The following CHIC1 variants were observed in gnomAD, a reference collection of about 807,000 sequenced individuals.
The protein encoded by CHIC1 is cysteine-rich hydrophobic domain-containing protein 1.
A neutral mutation model predicts 18.5 loss-of-function variants in CHIC1; 7 were observed. The ratio of observed to expected loss-of-function variants is 0.38; its 90% confidence interval spans 0.22 to 0.71. The LOEUF is 0.71. CHIC1 is among the 30% of genes least tolerant of loss of function. CHIC1 has a pLI of 0.49. For synonymous variants in CHIC1, 77 were observed against 73.5 expected, an observed-to-expected ratio of 1.05 and a Z score of -0.25; for missense variants, 159 against 176.9, an observed-to-expected ratio of 0.90 and a Z score of 0.57.
intron 3 of CHIC1, among the ~76,000 whole-genome samples, chrX:73,592,197 T>C (rs948719220): frequency 9.0e-6 from 1 of 111,144 alleles, no homozygotes; most frequent in East Asian, 2.9e-4. Context: ...TATTTTTTTG[T>C]CTTGACTGAT....
At position 73,685,213 on chromosome X, in the gene CHIC1, C is replaced by T. The variant is rs1013339434; in HGVS notation, c.*4208C>T. On this transcript the variant is annotated 3_prime_UTR_variant, in exon 6 of 6. Coordinates refer to ENST00000373502, the MANE Select transcript of CHIC1 (RefSeq NM_001039840.4). The stretch of plus-strand genomic sequence containing the variant: ...AAAGTTTGATTTGCCGACTGGCTGA[C>T]GTGTTAATTATCACACAGACTCCAA... 1.6e-4 allele frequency: 18 copies of T among 111,350 alleles called. No homozygotes were observed. Among genetic ancestry groups the T allele is most frequent in the Non-Finnish European group, 3.0e-4 (16 of 52,990 alleles). The allele number at this position is 111,350 out of a possible 1,213,427, so 9.2% of individuals were successfully genotyped here. A position where few individuals can be genotyped will look rare whatever the true frequency, so the allele number is the denominator to read the frequency against.
chrX:73,657,061 ATTT>A (rs36102598), intron 3 of CHIC1, among the ~76,000 whole-genome samples: 1 of 88,621 alleles, frequency 1.1e-5, no homozygotes. Flanking sequence ...TCTTTTTTTA[ATTT>A]TTTTTTTTTT....
At chrX:73,667,664 G>GT (rs1266639165) in intron 3 of CHIC1, among the ~76,000 whole-genome samples, 1 of 111,564 alleles carries the variant, frequency 9.0e-6, no homozygotes, top group Admixed American at 9.6e-5. Flanking sequence ...CTTTAAGAAT[G>GT]TTGAATATTG....
chrX:73,597,484 A>G (rs1018130519), intron 3 of CHIC1, among the ~76,000 whole-genome samples: 2 of 109,203 alleles, frequency 1.8e-5, no homozygotes, highest in African/African-American at 6.6e-5. Flanking sequence ...GTTGATTTTT[A>G]TGAAGTCCCA....
intron 3 of CHIC1, among the ~76,000 whole-genome samples, chrX:73,613,910 A>G (rs889296500): frequency 1.0e-5 from 1 of 95,361 alleles, no homozygotes; most frequent in African/African-American, 4.0e-5. Flanking sequence ...GGTTTTCTAT[A>G]TTGTTAATAT....
At chrX:73,586,848 C>A (rs1192295709) in intron 3 of CHIC1, among the ~76,000 whole-genome samples, 1 of 111,978 alleles carries the variant, frequency 8.9e-6, no homozygotes, top group Non-Finnish European at 1.9e-5. Context: ...AATTTTAATT[C>A]TTTAGCAGTG....
chrX:73,647,842 C>T (rs1005744324), intron 3 of CHIC1, among the ~76,000 whole-genome samples: 2 of 112,209 alleles, frequency 1.8e-5, no homozygotes, highest in African/African-American at 6.5e-5. Flanking sequence ...CAGTGAGGTA[C>T]ATCCCCTCCA....
At chrX:73,646,482 C>T (rs2057890038) in intron 3 of CHIC1, among the ~76,000 whole-genome samples, 1 of 111,839 alleles carries the variant, frequency 8.9e-6, no homozygotes, top group Non-Finnish European at 1.9e-5. Context: ...ACAAAATATC[C>T]TTCCATTTGT....
intron 2 of CHIC1, among the ~76,000 whole-genome samples, chrX:73,583,944 AG>A (rs2057539676): frequency 9.0e-6 from 1 of 111,257 alleles, no homozygotes; most frequent in African/African-American, 3.3e-5. Flanking sequence ...CCAGGGAATA[AG>A]GGTTTGAGAG....
chrX:73,627,137 CAAAAAAAA>C (rs759306668), intron 3 of CHIC1, among the ~76,000 whole-genome samples: 1 of 56,994 alleles, frequency 1.8e-5, no homozygotes, highest in Admixed American at 2.2e-4. Context: ...TAAGTTCTCC[CAAAAAAAA>C]AAAAAAAAAA....
intron 3 of CHIC1, among the ~76,000 whole-genome samples, chrX:73,622,024 C>A (rs1343639776): frequency 8.9e-6 from 1 of 112,069 alleles, no homozygotes; most frequent in Non-Finnish European, 1.9e-5. Context: ...GCTGAACCAG[C>A]CTTGCACCCC....
At chrX:73,637,960 G>GA (rs1366668657) in intron 3 of CHIC1, among the ~76,000 whole-genome samples, 5 of 110,652 alleles carry the variant, frequency 4.5e-5, no homozygotes, top group African/African-American at 1.3e-4. Flanking sequence ...CTGGGAATTT[G>GA]AAAAAACCTC....
intron 3 of CHIC1, among the ~76,000 whole-genome samples, chrX:73,636,611 A>G (rs1324114813): frequency 9.5e-6 from 1 of 105,715 alleles, no homozygotes; most frequent in Non-Finnish European, 2.0e-5. Context: ...CCTTACTACC[A>G]TTTTCTGTTT....
At chrX:73,602,498 G>T (rs1382449865) in intron 3 of CHIC1, among the ~76,000 whole-genome samples, 1 of 108,609 alleles carries the variant, frequency 9.2e-6, no homozygotes, top group African/African-American at 3.6e-5. Flanking sequence ...TTCTTTTGCT[G>T]TGCAGAAGCT....
intron 3 of CHIC1, among the ~76,000 whole-genome samples, chrX:73,675,993 C>T (rs1489981310): frequency 9.0e-6 from 1 of 111,135 alleles, no homozygotes; most frequent in Non-Finnish European, 1.9e-5. Flanking sequence ...ACTTATGAAG[C>T]TCAGTTTGGC....
chrX:73,578,200 G>A (rs2057509536), intron 2 of CHIC1, among the ~76,000 whole-genome samples: 1 of 110,531 alleles, frequency 9.0e-6, no homozygotes, highest in African/African-American at 3.3e-5. Flanking sequence ...AAAACATCAT[G>A]TTGTACACCT....
chrX:73,648,023 C>T (rs764128956), intron 3 of CHIC1, among the ~76,000 whole-genome samples: 1 of 111,699 alleles, frequency 9.0e-6, no homozygotes, highest in African/African-American at 3.3e-5. Context: ...AAGCACCCAA[C>T]TTTGCTGTTC....
intron 3 of CHIC1, among the ~76,000 whole-genome samples, chrX:73,616,054 T>C (rs2057731285): frequency 9.1e-6 from 1 of 110,258 alleles, no homozygotes; most frequent in Non-Finnish European, 1.9e-5. Flanking sequence ...CTCTAGGAAT[T>C]TGGAGATTCC....
In CHIC1 at chrX:73,585,135, TG is replaced by T. The variant is rs1349050186; in HGVS notation, c.507+564del. 1.3e-4 allele frequency among the ~76,000 whole-genome samples: 14 copies of T among 111,784 alleles called. 1 individual carries two copies. The highest frequency in any genetic ancestry group is 4.2e-4 in the African/African-American group (13 of 30,853). On this transcript the variant is annotated intron_variant, in intron 3 of 5. Transcript: ENST00000373502. ...TTTAAAATATTTTAATTGAAGCCAA[TG>T]AGGAAAATTAATTCATTTTACCTAA... is the stretch of plus-strand genomic sequence containing the variant.
Sources: allele counts gnomAD v4.1 joint callset (sites outside exome capture counted in the v4.1 genomes callset), GRCh38; gene constraint gnomAD v4.1.1; transcripts MANE v1.5; gene names NCBI Gene and HGNC (gene_info 2026-07-23, HGNC 2026-07-21).